MB21D2: variants seen among roughly 807,000 people sequenced by gnomAD.
The protein encoded by MB21D2 is Mab-21 domain containing 2.
MB21D2 carries 9 observed loss-of-function variants against 33.3 expected under a neutral mutation model. The ratio of observed to expected loss-of-function variants is 0.27; its 90% CI spans 0.16 to 0.47. The LOEUF (loss-of-function observed/expected upper bound fraction) is 0.47, where lower values mean the gene tolerates loss of function less well. Ranked by LOEUF, MB21D2 falls within the 20% of genes least tolerant of loss-of-function variation. MB21D2 has a pLI of 0.99. For synonymous variants in MB21D2, 241 were observed against 236.3 expected, an observed-to-expected ratio of 1.02 and a Z score of -0.18; for missense variants, 540 against 624.6, an observed-to-expected ratio of 0.86 and a Z score of 1.44.
At chr3:192,903,488 C>T (rs1416278886) in intron 1 of MB21D2, among the ~76,000 whole-genome samples, 3 of 152,150 alleles carry the variant, frequency 2.0e-5, no homozygotes, top group Non-Finnish European at 4.4e-5. Context: ...GAAAAAAGTT[C>T]ATAGTTATTT....
intron 1 of MB21D2, among the ~76,000 whole-genome samples, chr3:192,896,418 G>GTGGCTATTCACAGATGTGA (rs11272541): frequency 6.6e-6 from 1 of 151,862 alleles, no homozygotes; most frequent in Admixed American, 6.6e-5. Context: ...CTGTTGTGCA[G>GTGGCTATTCACAGATGTGA]TCATAGTACA....
intron 1 of MB21D2, among the ~76,000 whole-genome samples, chr3:192,806,521 G>A (rs1711664347): frequency 6.6e-6 from 1 of 152,182 alleles, no homozygotes; most frequent in Non-Finnish European, 1.5e-5. Context: ...AGTAACTCAC[G>A]AAAAGGCGTC....
intron 1 of MB21D2, among the ~76,000 whole-genome samples, chr3:192,848,246 C>T (rs1712714767): frequency 6.6e-6 from 1 of 152,200 alleles, no homozygotes; most frequent in Admixed American, 6.5e-5. Context: ...AGTTAAATGC[C>T]TACTCTGCTT....
At position 192,798,749 on chromosome 3, in the gene MB21D2, G is replaced by C. The variant is rs773690829; in HGVS notation, c.1113C>G (p.Asn371Lys). 2 of 1,613,404 alleles carry C rather than the reference G, an allele frequency of 1.2e-6. No homozygotes were observed. Among genetic ancestry groups the C allele is most frequent in the Non-Finnish European group, 1.7e-6 (2 of 1,180,030 alleles). The change falls in exon 2 of 2, where the codon AAC becomes AAG. Residue 371 changes from asparagine (N) to lysine (K), a missense_variant. By Grantham distance (94) the Asn-to-Lys change is moderately conservative. Coordinates refer to ENST00000392452, the MANE Select transcript of MB21D2 (RefSeq NM_178496.4). This position sits in a 1 kb window ranked among gnomAD's most constrained non-coding sequence, Gnocchi z 4.8. ...LIDDLQHCLV[N>K]KMCPNYFIPQ... ...GGATGAAATAATTGGGGCACATCTT[G>C]TTGACCAGACAGTGTTGCAGGTCAT...
At chr3:192,893,551 T>G (rs6778567) in intron 1 of MB21D2, among the ~76,000 whole-genome samples, 9 of 152,032 alleles carry the variant, frequency 5.9e-5, no homozygotes, top group Non-Finnish European at 7.4e-5. Flanking sequence ...CAACACCCCT[T>G]GACTGTATGG....
intron 1 of MB21D2, among the ~76,000 whole-genome samples, chr3:192,807,141 G>A (rs1020741181): frequency 1.3e-5 from 2 of 151,998 alleles, no homozygotes; most frequent in Non-Finnish European, 2.9e-5. Context: ...AATAAATCCC[G>A]ACCTTTCTTT....
chr3:192,840,054 A>G (rs1712533195), intron 1 of MB21D2, among the ~76,000 whole-genome samples: 1 of 152,210 alleles, frequency 6.6e-6, no homozygotes, highest in South Asian at 2.1e-4. Context: ...TCCTCCAACC[A>G]TTGGTGGGTA....
chr3:192,813,563 T>G (rs1039336419), intron 1 of MB21D2, among the ~76,000 whole-genome samples: 1 of 152,164 alleles, frequency 6.6e-6, no homozygotes, highest in Admixed American at 6.5e-5. Flanking sequence ...TTCCAGAGAA[T>G]GGCCACAATC....
intron 1 of MB21D2, among the ~76,000 whole-genome samples, chr3:192,865,598 A>G (rs1279769547): frequency 6.6e-6 from 1 of 152,188 alleles, no homozygotes; most frequent in African/African-American, 2.4e-5. Flanking sequence ...TCCTAAGAAA[A>G]GAGTTAAGGA....
chr3:192,866,336 T>A (rs1188245215), intron 1 of MB21D2, among the ~76,000 whole-genome samples: 2 of 152,098 alleles, frequency 1.3e-5, no homozygotes, highest in Non-Finnish European at 2.9e-5. Context: ...ACTGGCAAAG[T>A]CTCTTTAATT....
chr3:192,911,456 G>C (rs1219845528), intron 1 of MB21D2, among the ~76,000 whole-genome samples: 5 of 152,060 alleles, frequency 3.3e-5, no homozygotes, highest in South Asian at 4.1e-4. Context: ...AAGTCAACTG[G>C]GATCATGCTC....
chr3:192,915,188 G>C (rs966501071), intron 1 of MB21D2, among the ~76,000 whole-genome samples: 1 of 151,784 alleles, frequency 6.6e-6, no homozygotes, highest in African/African-American at 2.4e-5. Context: ...CCACCCCCCC[G>C]CCCTGAAATG....
intron 1 of MB21D2, among the ~76,000 whole-genome samples, chr3:192,858,017 G>A (rs958372313): frequency 2.6e-5 from 4 of 151,960 alleles, no homozygotes; most frequent in Admixed American, 1.3e-4. Flanking sequence ...CCCAGCTACC[G>A]GGGAGGCTGA....
intron 1 of MB21D2, among the ~76,000 whole-genome samples, chr3:192,860,592 T>C (rs569753448): frequency 2.6e-5 from 4 of 152,328 alleles, no homozygotes; most frequent in African/African-American, 9.6e-5. Context: ...ATGGAGATAG[T>C]GTGGCTTCAG....
chr3:192,838,553 C>T (rs972654095), intron 1 of MB21D2, among the ~76,000 whole-genome samples: 20 of 151,864 alleles, frequency 1.3e-4, no homozygotes, highest in Non-Finnish European at 2.4e-4. Flanking sequence ...CTCGGCCTCC[C>T]GAGTGGCTGG....
intron 1 of MB21D2, among the ~76,000 whole-genome samples, chr3:192,835,506 A>G (rs1362552687): frequency 6.6e-6 from 1 of 151,358 alleles, no homozygotes; most frequent in African/African-American, 2.4e-5. Context: ...ACATTTGCAA[A>G]TTTTATTCCA....
At chr3:192,850,866 C>T (rs888907063) in intron 1 of MB21D2, among the ~76,000 whole-genome samples, 2 of 152,216 alleles carry the variant, frequency 1.3e-5, no homozygotes, top group Non-Finnish European at 2.9e-5. Flanking sequence ...TTGTAACTTC[C>T]TCCCACGTTT....
chr3:192,898,556 T>C (rs1455332892), intron 1 of MB21D2, among the ~76,000 whole-genome samples: 1 of 152,118 alleles, frequency 6.6e-6, no homozygotes, highest in Non-Finnish European at 1.5e-5. Flanking sequence ...TCTTAGTGCC[T>C]CATCATGAAT....
chr3:192,811,736 A>G (rs904753598), intron 1 of MB21D2, among the ~76,000 whole-genome samples: 1 of 152,158 alleles, frequency 6.6e-6, no homozygotes, highest in African/African-American at 2.4e-5. Flanking sequence ...TTTCAGATAC[A>G]GGCATTTCTT....
Sources: allele counts gnomAD v4.1 joint callset (sites outside exome capture counted in the v4.1 genomes callset), GRCh38; gene constraint gnomAD v4.1.1; non-coding constraint Gnocchi (gnomAD v3.1); transcripts MANE v1.5; gene names NCBI Gene and HGNC (gene_info 2026-07-23, HGNC 2026-07-21).